Variants in MYOF observed in about 807,000 individuals in gnomAD.
MYOF encodes the protein myoferlin.
A neutral mutation model predicts 284.2 loss-of-function variants in MYOF; 244 were observed. The ratio of observed to expected loss-of-function variants is 0.86; its 90% CI spans 0.77 to 0.95. MYOF has a LOEUF of 0.95. Ranked by LOEUF, MYOF falls within the 40% of genes least tolerant of loss-of-function variation. The pLI, the probability that MYOF is intolerant of heterozygous loss-of-function variation, is 0.00. For missense variants in MYOF, 2,496 were observed against 2,560.6 expected, an observed-to-expected ratio of 0.97 and a Z score of 0.54; for synonymous variants, 904 against 919.7, an observed-to-expected ratio of 0.98 and a Z score of 0.31.
At position 93,369,742 on chromosome 10, in the gene MYOF, G is replaced by C; in HGVS notation, c.2492C>G (p.Pro831Arg). Residue 831 changes from proline to arginine, a missense_variant, in exon 25 of 54, where the codon CCT (proline) becomes CGT (arginine). By Grantham distance (103) the Pro-to-Arg change is moderately radical. This residue lies in a region of MYOF where 2,436 missense variants were observed against 2,480.7 expected (regional missense o/e 0.98). Transcript: ENST00000359263. ...PQEKNNGPKV[P>R]VELRVNIWLG... The stretch of plus-strand genomic sequence containing the variant: ...CCAGATGTTCACTCGCAACTCCACA[G>C]GCACCTTTGGCCCGTTGTTTTTCTC... 2 of 1,614,174 alleles carry C rather than the reference G, an allele frequency of 1.2e-6. No individual in the cohort carries two copies. Among genetic ancestry groups the C allele is most frequent in the Non-Finnish European group, 1.7e-6 (2 of 1,180,028 alleles).
intron 25 of MYOF, among the ~76,000 whole-genome samples, chr10:93,368,897 G>T (rs1244395340): frequency 6.6e-6 from 1 of 152,120 alleles, no homozygotes; most frequent in African/African-American, 2.4e-5. Context: ...TATCAGAAGA[G>T]ACCCACCGAA....
chr10:93,397,215 T>C, intron 15 of MYOF, 32 bp downstream of exon 15: 1 of 1,498,558 alleles, frequency 6.7e-7, no homozygotes, highest in Non-Finnish European at 9.2e-7. Flanking sequence ...TTATTTTATG[T>C]TGAATTAGAC....
chr10:93,343,951 C>G lies in MYOF; in HGVS notation c.4250-19G>C. On this transcript the variant is annotated intron_variant, in intron 37 of 53. Transcript: ENST00000359263. Reference sequence around the variant, plus strand: ...AGGGAGGCTGCAAGACAAATACTTTCTTAATCTAAGATACTTAGAGAAATA... The same window carrying G: ...AGGGAGGCTGCAAGACAAATACTTTGTTAATCTAAGATACTTAGAGAAATA... 1 of 1,613,906 alleles carries G rather than the reference C, an allele frequency of 6.2e-7. No homozygotes were observed. The highest frequency in any genetic ancestry group is 8.5e-7 in the Non-Finnish European group (1 of 1,179,804).
At chr10:93,347,132 T>C (rs948486929) in intron 37 of MYOF, among the ~76,000 whole-genome samples, 7 of 152,268 alleles carry the variant, frequency 4.6e-5, no homozygotes, top group African/African-American at 1.7e-4. Flanking sequence ...TTACGAATGA[T>C]AGAACCTTAG....
At chr10:93,397,225 C>T (rs1317696590) in intron 15 of MYOF, 22 bp downstream of exon 15, 1 of 1,530,824 alleles carries the variant, frequency 6.5e-7, no homozygotes, top group Non-Finnish European at 9.0e-7. Flanking sequence ...TTGAATTAGA[C>T]ACATACGTAT....
intron 5 of MYOF, among the ~76,000 whole-genome samples, chr10:93,417,603 C>A (rs1011625816): frequency 1.3e-5 from 2 of 151,964 alleles, no homozygotes; most frequent in African/African-American, 2.4e-5. Flanking sequence ...CTTCTCCCTA[C>A]CAAGCAGAAG....
chr10:93,346,588 A>G (rs987989044), intron 37 of MYOF, among the ~76,000 whole-genome samples: 1 of 152,276 alleles, frequency 6.6e-6, no homozygotes, highest in Admixed American at 6.5e-5. Flanking sequence ...TATTATGGAA[A>G]TCTAAAGTAA....
intron 21 of MYOF, among the ~76,000 whole-genome samples, chr10:93,378,679 GTA>G (rs1845957516): frequency 3.9e-5 from 3 of 76,328 alleles, no homozygotes; most frequent in Admixed American, 1.4e-4. Flanking sequence ...ATGTGTGTGT[GTA>G]TGTGTGTGTG....
At chr10:93,342,683 C>A (rs116693823) in intron 38 of MYOF, among the ~76,000 whole-genome samples, 2,441 of 152,240 alleles carry the variant, frequency 0.016, 66 homozygotes, top group African/African-American at 0.056. Context: ...GTTCTTAGGG[C>A]TACTGAGTAC....
intron 53 of MYOF, among the ~76,000 whole-genome samples, chr10:93,309,244 G>A (rs1842276773): frequency 6.6e-6 from 1 of 152,152 alleles, no homozygotes; most frequent in Non-Finnish European, 1.5e-5. Context: ...CCTTGTTCCC[G>A]TGGCTGCCTG....
At chr10:93,345,196 C>A (rs77136167) in intron 37 of MYOF, among the ~76,000 whole-genome samples, 7,815 of 152,252 alleles carry the variant, frequency 0.051, 303 homozygotes, top group Middle Eastern at 0.082. Context: ...TCGGTACCCA[C>A]CATGTGCTGG....
intron 7 of MYOF, among the ~76,000 whole-genome samples, chr10:93,406,730 G>A (rs1467458503): frequency 1.3e-5 from 2 of 152,138 alleles, no homozygotes; most frequent in South Asian, 2.1e-4. Context: ...GAGGTTAGAG[G>A]TTAGAGGTGA....
chr10:93,417,945 G>A (rs701851), intron 5 of MYOF, among the ~76,000 whole-genome samples: 89,086 of 151,998 alleles, frequency 0.59, 31,932 homozygotes, highest in Non-Finnish European at 0.79. Flanking sequence ...TTACAGACGT[G>A]CATCATCACA....
At chr10:93,421,505 T>C (rs570543213) in intron 5 of MYOF, among the ~76,000 whole-genome samples, 13 of 152,332 alleles carry the variant, frequency 8.5e-5, no homozygotes, top group African/African-American at 2.9e-4. Context: ...AAATCTTATG[T>C]TGAAATCTGA....
intron 5 of MYOF, among the ~76,000 whole-genome samples, chr10:93,414,882 T>C (rs1361399152): frequency 1.3e-5 from 2 of 152,058 alleles, no homozygotes; most frequent in Non-Finnish European, 2.9e-5. Flanking sequence ...TAGCTGGGAT[T>C]ACAGGCACCT....
intron 25 of MYOF, among the ~76,000 whole-genome samples, chr10:93,368,926 G>C (rs1845448858): frequency 6.6e-6 from 1 of 152,116 alleles, no homozygotes; most frequent in Non-Finnish European, 1.5e-5. Flanking sequence ...GTAAATTTAA[G>C]TCAATAAGCA....
chr10:93,370,268 A>C (rs1238000333), intron 24 of MYOF, among the ~76,000 whole-genome samples: 1 of 151,890 alleles, frequency 6.6e-6, no homozygotes, highest in African/African-American at 2.4e-5. Context: ...ATGTGCAAAA[A>C]CATAAAAATA....
At chr10:93,466,888 G>A (rs756420466) in intron 1 of MYOF, among the ~76,000 whole-genome samples, 11 of 152,108 alleles carry the variant, frequency 7.2e-5, no homozygotes, top group Non-Finnish European at 1.2e-4. Context: ...TGAGGTGGGA[G>A]GATCACTTGA....
intron 38 of MYOF, among the ~76,000 whole-genome samples, chr10:93,342,464 A>G (rs787695): frequency 0.66 from 99,783 of 152,054 alleles, 34,312 homozygotes; most frequent in East Asian, 0.97. Context: ...TAGGAGAGCG[A>G]GCTGATTAAA....
Sources: gnomAD v4.1 joint callset for allele counts (sites outside exome capture counted in the v4.1 genomes callset) on GRCh38, gnomAD v4.1.1 for gene constraint, gnomAD v4.1.1 regional missense constraint, MANE v1.5 for transcripts, NCBI Gene and HGNC (gene_info 2026-07-23, HGNC 2026-07-21) for gene names.